Variants in ABCC4 observed in about 807,000 individuals in gnomAD.
ABCC4 encodes ATP binding cassette subfamily C member 4 (PEL blood group).
Under a neutral mutation model 168.5 loss-of-function variants are expected in ABCC4, and 102 were observed. The ratio of observed to expected loss-of-function variants is 0.61; its 90% confidence interval spans 0.52 to 0.71. The LOEUF is 0.71. ABCC4 is among the 30% of genes least tolerant of loss of function. ABCC4 has a pLI of 0.00. For missense variants in ABCC4, 1,402 were observed against 1,605.8 expected (o/e 0.87, Z 2.17); for synonymous variants, 617 against 590.7 (o/e 1.04, Z -0.65).
At chr13:95,105,016 A>C (rs1156992194) in intron 20 of ABCC4, among the ~76,000 whole-genome samples, 1 of 152,076 alleles carries the variant, frequency 6.6e-6, no homozygotes, top group Admixed American at 6.6e-5. Flanking sequence ...ATTATGTGGT[A>C]ATATATAATG....
chr13:95,083,316 T>C, intron 20 of ABCC4, 26 bp from the exon 21 acceptor site: 1 of 1,608,928 alleles, frequency 6.2e-7, no homozygotes, highest in Non-Finnish European at 8.5e-7. Context: ...TAGATGCAGG[T>C]TTTCCTTATC....
chr13:95,277,211 G>A (rs986266500), intron 1 of ABCC4, among the ~76,000 whole-genome samples: 9 of 152,018 alleles, frequency 5.9e-5, no homozygotes, highest in Admixed American at 1.3e-4. Context: ...CATTTTTACA[G>A]AGTTCACATT....
At chr13:95,200,319 G>T (rs1037564991) in intron 8 of ABCC4, among the ~76,000 whole-genome samples, 5 of 152,140 alleles carry the variant, frequency 3.3e-5, no homozygotes, top group African/African-American at 4.8e-5. Flanking sequence ...TTATCCTGAC[G>T]TCGTTTCTAT....
chr13:95,245,010 C>T lies in ABCC4; in HGVS notation c.306+1965G>A, dbSNP rs147428289. Among the ~76,000 whole-genome samples, 858 of 152,244 alleles carry T rather than the reference C, an allele frequency of 5.6e-3. 10 individuals are homozygous for T. Among genetic ancestry groups the T allele is most frequent in the African/African-American group, 0.019 (801 of 41,520 alleles). On this transcript the variant is annotated intron_variant, in intron 3 of 30. Coordinates refer to ENST00000645237, the MANE Select transcript of ABCC4 (RefSeq NM_005845.5). The stretch of plus-strand genomic sequence containing the variant: ...GTAAAGATTACCATGCTCCTTGCAC[C>T]AGAGTGGGGCCTGTCCTCAAGTCTC...
In ABCC4 at chr13:95,301,407, G is replaced by T; in HGVS notation, c.-93C>A. ...CCTGGACCTCAAGCAGGGATGCTGGGGCTCCGGCCGCCACGCCTGTCCGCT... is the reference window on the plus strand; with the variant it reads ...CCTGGACCTCAAGCAGGGATGCTGGTGCTCCGGCCGCCACGCCTGTCCGCT... On this transcript the variant is annotated 5_prime_UTR_variant, in exon 1 of 31. Transcript: ENST00000645237. The T allele has an allele frequency of 8.8e-7, 1 of 1,141,732 alleles. No homozygotes were observed. Among genetic ancestry groups the T allele is most frequent in the Non-Finnish European group, 1.2e-6 (1 of 834,202 alleles). The allele number at this position is 1,141,732 out of a possible 1,614,324, so 70.7% of individuals were successfully genotyped here. A position where few individuals can be genotyped will look rare whatever the true frequency, so the allele number is the denominator to read the frequency against.
At chr13:95,074,405 AT>A in intron 22 of ABCC4, 81 bp from the exon 23 acceptor site, 1 of 1,154,412 alleles carries the variant, frequency 8.7e-7, no homozygotes, top group South Asian at 1.5e-5. Context: ...GCTACAGAAG[AT>A]TTTTACGTGG....
chr13:95,287,388 A>C (rs530481240), intron 1 of ABCC4, among the ~76,000 whole-genome samples: 80 of 152,218 alleles, frequency 5.3e-4, no homozygotes, highest in African/African-American at 1.9e-3. Context: ...GGAGTTCAAG[A>C]CCAGCCTGGC....
intron 8 of ABCC4, among the ~76,000 whole-genome samples, chr13:95,196,787 A>G (rs1037556049): frequency 1.3e-5 from 2 of 152,086 alleles, no homozygotes; most frequent in African/African-American, 4.8e-5. Context: ...CAATTTCACA[A>G]GTTTACTGAC....
At chr13:95,167,870 A>G (rs1825781705) in intron 14 of ABCC4, among the ~76,000 whole-genome samples, 1 of 152,066 alleles carries the variant, frequency 6.6e-6, no homozygotes, top group Non-Finnish European at 1.5e-5. Flanking sequence ...CAGTGGAAAA[A>G]TGGTTTGTGT....
At chr13:95,265,017 C>T (rs1041576033) in intron 1 of ABCC4, among the ~76,000 whole-genome samples, 3 of 151,906 alleles carry the variant, frequency 2.0e-5, no homozygotes, top group African/African-American at 7.3e-5. Context: ...TACAGGTGTG[C>T]ACCACCACAC....
intron 14 of ABCC4, among the ~76,000 whole-genome samples, chr13:95,167,205 A>ATAC (rs1566484079): frequency 1.3e-5 from 2 of 151,196 alleles, no homozygotes; most frequent in African/African-American, 4.9e-5. Context: ...TAAATAAATA[A>ATAC]ATAAATAAAT....
intron 9 of ABCC4, among the ~76,000 whole-genome samples, chr13:95,190,118 G>A (rs987522545): frequency 3.9e-5 from 6 of 152,132 alleles, no homozygotes; most frequent in African/African-American, 1.4e-4. Context: ...ATGGAGGTGG[G>A]AGGATCACTT....
At chr13:95,029,620 AT>A (rs1039475631) in intron 30 of ABCC4, among the ~76,000 whole-genome samples, 74 of 152,176 alleles carry the variant, frequency 4.9e-4, no homozygotes, top group Non-Finnish European at 9.7e-4. Context: ...CTTAAAAATA[AT>A]TTGTAATTAT....
intron 4 of ABCC4, among the ~76,000 whole-genome samples, chr13:95,233,717 T>C (rs1156366497): frequency 1.3e-5 from 2 of 152,152 alleles, no homozygotes; most frequent in Non-Finnish European, 2.9e-5. Context: ...GTGAATAAGT[T>C]ATATACAAAT....
At chr13:95,295,070 C>T (rs921360319) in intron 1 of ABCC4, among the ~76,000 whole-genome samples, 3 of 152,098 alleles carry the variant, frequency 2.0e-5, no homozygotes, top group African/African-American at 4.8e-5. Context: ...TCCCAGACAC[C>T]GATCAAGTAG....
chr13:95,297,022 G>C (rs907542239), intron 1 of ABCC4, among the ~76,000 whole-genome samples: 3 of 152,166 alleles, frequency 2.0e-5, no homozygotes, highest in African/African-American at 7.2e-5. Context: ...TGTAATCCCA[G>C]CACTTTGGGA....
rs139097385 is a variant in ABCC4 at position 95,075,912 on chromosome 13, A to G, written c.2687-361T>C. On this transcript the variant is annotated intron_variant, in intron 21 of 30. Transcript: ENST00000645237. Reference sequence around the variant, plus strand: ...ATGATATTTTTCTGATTTTTGAGCCAGTAGGATTTTAAAAAACAATTCTCT... The same window carrying G: ...ATGATATTTTTCTGATTTTTGAGCCGGTAGGATTTTAAAAAACAATTCTCT... Among the ~76,000 whole-genome samples the G allele has an allele frequency of 8.5e-5, 13 of 152,296 alleles. No homozygotes were observed. In the East Asian group the frequency reaches 1.9e-3, roughly 23 times the overall value.
intron 1 of ABCC4, among the ~76,000 whole-genome samples, chr13:95,248,639 T>G (rs1268985034): frequency 1.3e-5 from 2 of 151,794 alleles, no homozygotes; most frequent in Non-Finnish European, 3.0e-5. Flanking sequence ...CCAGGCATAG[T>G]GGCTCACACC....
rs943040182 is a variant in ABCC4 at position 95,189,282 on chromosome 13, T to C, written c.1264-740A>G. ...CCGAGTAGCTGGGACTACAGGCGCC[T>C]GCCACTGCGCCCAGCTAATTTTTTG... On this transcript the variant is annotated intron_variant, in intron 9 of 30. Transcript: ENST00000645237. 7.3e-5 allele frequency among the ~76,000 whole-genome samples: 11 copies of C among 151,378 alleles called. 1 individual carries two copies. The highest frequency in any genetic ancestry group is 1.0e-4 in the Non-Finnish European group (7 of 67,722).
Sources: allele counts gnomAD v4.1 joint callset (sites outside exome capture counted in the v4.1 genomes callset), GRCh38; gene constraint gnomAD v4.1.1; transcripts MANE v1.5; gene names NCBI Gene and HGNC (gene_info 2026-07-23, HGNC 2026-07-21).